PCDHA9: variants seen among roughly 807,000 people sequenced by gnomAD.
The protein encoded by PCDHA9 is protocadherin alpha-9.
A neutral mutation model predicts 62.0 loss-of-function variants in PCDHA9; 62 were observed. The ratio of observed to expected loss-of-function variants is 1.00; its 90% CI spans 0.81 to 1.23. The LOEUF (loss-of-function observed/expected upper bound fraction) is 1.23, where lower values mean the gene tolerates loss of function less well. Ranked by LOEUF, PCDHA9 falls within the 50% of genes most tolerant of loss-of-function variation. PCDHA9 has a pLI of 0.00. For missense variants in PCDHA9, 1,205 were observed against 1,249.8 expected, an observed-to-expected ratio of 0.96 and a Z score of 0.54; for synonymous variants, 557 against 567.6, an observed-to-expected ratio of 0.98 and a Z score of 0.27.
At chr5:140,926,987 G>A (rs782407289) in intron 1 of PCDHA9, 13 of 1,610,996 alleles carry the variant, frequency 8.1e-6, no homozygotes, top group Non-Finnish European at 1.1e-5. Flanking sequence ...GAGACGGAGC[G>A]GGGCGTAGCC....
intron 1 of PCDHA9, chr5:140,871,241 C>T (rs782602807): frequency 2.5e-6 from 4 of 1,613,972 alleles, no homozygotes; most frequent in Admixed American, 1.7e-5. Flanking sequence ...CTGGTACTCA[C>T]GCTGCTGCTG....
chr5:140,985,859 C>T (rs2153837183), intron 3 of PCDHA9, among the ~76,000 whole-genome samples: 1 of 151,736 alleles, frequency 6.6e-6, no homozygotes, highest in African/African-American at 2.4e-5. Context: ...CCTGCCTCAG[C>T]CTCCTGAGTA....
At chr5:140,875,667 G>T in intron 1 of PCDHA9, 1 of 1,613,820 alleles carries the variant, frequency 6.2e-7, no homozygotes, top group Non-Finnish European at 8.5e-7. Flanking sequence ...GCCTGTTCCG[G>T]GTGGCGTCCA....
chr5:140,849,907 G>A lies in PCDHA9; in HGVS notation c.1412G>A (p.Gly471Asp), dbSNP rs2150457051. Residue 471 changes from glycine to aspartate, a missense_variant, in exon 1 of 4, where the codon GGC (glycine) becomes GAC (aspartate). By Grantham distance (94) the Gly-to-Asp change is moderately conservative. Around this residue, in one of 3 missense-constraint regions of PCDHA9, gnomAD observed 887 missense variants for 809.5 expected, o/e 1.10. Coordinates refer to ENST00000532602, the MANE Select transcript of PCDHA9 (RefSeq NM_031857.2). ...TVFVKENNPP[G>D]CHIFTVSARD... ...TTCGTGAAGGAGAACAACCCGCCGG[G>A]CTGCCACATCTTCACGGTGTCTGCG... 2 of 1,598,320 alleles carry A rather than the reference G, an allele frequency of 1.3e-6. No individual in the cohort carries two copies. Among genetic ancestry groups the A allele is most frequent in the East Asian group, 4.5e-5 (2 of 44,846 alleles).
At position 140,928,541 on chromosome 5, in the gene PCDHA9, A is replaced by T. The variant is rs149868042; in HGVS notation, c.2395-50408A>T. Reference sequence around the variant, plus strand: ...AACTTGTTTGTGGTAGATAGGAATGACAATTATCCGGTTATCTTGTTTCCC... The same window carrying T: ...AACTTGTTTGTGGTAGATAGGAATGTCAATTATCCGGTTATCTTGTTTCCC... On this transcript the variant is annotated intron_variant, in intron 1 of 3. Transcript: ENST00000532602. 1,755 of 1,614,192 alleles carry T rather than the reference A, an allele frequency of 1.1e-3. 11 individuals carry two copies. In the African/African-American group the frequency reaches 0.015, roughly 13 times the overall value.
chr5:140,923,183 C>G (rs2081208346), intron 1 of PCDHA9, among the ~76,000 whole-genome samples: 2 of 152,206 alleles, frequency 1.3e-5, no homozygotes, highest in South Asian at 4.1e-4. Context: ...TCAGATGCAT[C>G]TACTGCAGCA....
intron 1 of PCDHA9, among the ~76,000 whole-genome samples, chr5:140,872,205 A>AT (rs1554166067): frequency 6.6e-6 from 1 of 151,936 alleles, no homozygotes; most frequent in Non-Finnish European, 1.5e-5. Context: ...TCATAAATTC[A>AT]TTATATATGA....
In PCDHA9 at chr5:140,876,910, T is replaced by C. The variant is rs184817309; in HGVS notation, c.2394+26021T>C. On this transcript the variant is annotated intron_variant, in intron 1 of 3. Transcript: ENST00000532602. ...CTGCCACATCTTCACGGTGTCGGCA[T>C]GGGACGCGGACGCGCAGAAGAACGC... 5 of 1,613,976 alleles carry C rather than the reference T, an allele frequency of 3.1e-6. No individual in the cohort carries two copies. In the African/African-American group the frequency reaches 4.0e-5, roughly 13 times the overall value.
At chr5:140,946,591 AATAG>A (rs1237639683) in intron 1 of PCDHA9, among the ~76,000 whole-genome samples, 7 of 119,490 alleles carry the variant, frequency 5.9e-5, no homozygotes, top group African/African-American at 2.9e-4. Flanking sequence ...ATAGTGGATG[AATAG>A]ATAAAGAAAA....
At chr5:140,883,041 G>A (rs2059417348) in intron 1 of PCDHA9, 1 of 1,613,960 alleles carries the variant, frequency 6.2e-7, no homozygotes, top group African/African-American at 1.3e-5. Context: ...GCCTTCAATG[G>A]AACATTAGTG....
chr5:140,854,565 T>C (rs2043162230), intron 1 of PCDHA9: 1 of 150,016 alleles, frequency 6.7e-6, no homozygotes, highest in Non-Finnish European at 1.5e-5. Context: ...ATTGTTGCTC[T>C]GTCATTCAGA....
intron 1 of PCDHA9, among the ~76,000 whole-genome samples, chr5:140,951,992 A>G (rs1469467629): frequency 6.6e-6 from 1 of 152,212 alleles, no homozygotes; most frequent in Non-Finnish European, 1.5e-5. Flanking sequence ...AAAACCAGCC[A>G]AAAGAAAGAA....
At chr5:140,928,332 C>T in intron 1 of PCDHA9, 1 of 1,614,182 alleles carries the variant, frequency 6.2e-7, no homozygotes, top group Non-Finnish European at 8.5e-7. Context: ...ATGGCCTTGT[C>T]TCTTATGAGC....
At chr5:140,863,561 A>G (rs1581693390) in intron 1 of PCDHA9, 1 of 376,820 alleles carries the variant, frequency 2.7e-6, no homozygotes. Flanking sequence ...GAAATTTTTG[A>G]GAATATAAGT....
chr5:140,969,123 C>G, intron 1 of PCDHA9: 1 of 1,614,172 alleles, frequency 6.2e-7, no homozygotes, highest in Non-Finnish European at 8.5e-7. Flanking sequence ...GGGAATGGCT[C>G]CCTCACCAAG....
intron 1 of PCDHA9, among the ~76,000 whole-genome samples, chr5:140,901,744 A>G (rs781984509): frequency 1.3e-5 from 2 of 152,144 alleles, no homozygotes; most frequent in Non-Finnish European, 2.9e-5. Context: ...AAGAATGTCC[A>G]TGGTATTTTG....
At chr5:140,867,729 A>C (rs1274161997) in intron 1 of PCDHA9, 1 of 152,106 alleles carries the variant, frequency 6.6e-6, no homozygotes, top group Non-Finnish European at 1.5e-5. Context: ...AAAGACAAAG[A>C]AAATTCAAGC....
chr5:140,930,012 A>G (rs1369011586), intron 1 of PCDHA9: 1 of 152,208 alleles, frequency 6.6e-6, no homozygotes, highest in Non-Finnish European at 1.5e-5. Context: ...CATAGCTGAT[A>G]GCTCCATAGC....
At chr5:140,896,090 C>T (rs1312909051) in intron 1 of PCDHA9, among the ~76,000 whole-genome samples, 2 of 152,152 alleles carry the variant, frequency 1.3e-5, no homozygotes, top group African/African-American at 4.8e-5. Flanking sequence ...GGATTACAGG[C>T]GTGAGCCACT....
Sources: allele counts gnomAD v4.1 joint callset (sites outside exome capture counted in the v4.1 genomes callset), GRCh38; gene constraint gnomAD v4.1.1; regional missense constraint gnomAD v4.1.1; transcripts MANE v1.5; gene names NCBI Gene and HGNC (gene_info 2026-07-23, HGNC 2026-07-21).